TSPAN13: variants seen among roughly 807,000 people sequenced by gnomAD.
The protein encoded by TSPAN13 is tetraspanin-13.
TSPAN13 carries 18 observed loss-of-function variants against 26.9 expected under a neutral mutation model. The ratio of observed to expected loss-of-function variants is 0.67; its 90% CI spans 0.46 to 0.99. The LOEUF (loss-of-function observed/expected upper bound fraction) is 0.99. Among genes scored for constraint, TSPAN13 ranks in the 50% least tolerant of loss-of-function variants. TSPAN13 has a pLI of 0.00. For synonymous variants in TSPAN13, 116 were observed against 98.4 expected (o/e 1.18, Z -1.06); for missense variants, 201 against 249.6 (o/e 0.81, Z 1.31).
intron 5 of TSPAN13, among the ~76,000 whole-genome samples, chr7:16,780,629 A>T (rs940357274): frequency 6.6e-6 from 1 of 151,900 alleles, no homozygotes; most frequent in Non-Finnish European, 1.5e-5. Context: ...GAAAAACTGG[A>T]GTAATTTCTC....
chr7:16,783,318 C>A, intron 5 of TSPAN13, 99 bp from the exon 6 acceptor site: 2 of 1,157,954 alleles, frequency 1.7e-6, no homozygotes, highest in Non-Finnish European at 2.5e-6. Context: ...AGATGCAAAG[C>A]GATTGAGAGG....
At chr7:16,776,760 G>A (rs1784754322) in intron 2 of TSPAN13, among the ~76,000 whole-genome samples, 1 of 151,988 alleles carries the variant, frequency 6.6e-6, no homozygotes, top group Non-Finnish European at 1.5e-5. Context: ...CTATACCTAT[G>A]TCTGTTTTGT....
intron 1 of TSPAN13, among the ~76,000 whole-genome samples, chr7:16,764,396 T>G (rs908639923): frequency 6.6e-6 from 1 of 152,168 alleles, no homozygotes; most frequent in Admixed American, 6.5e-5. Flanking sequence ...GTGCTTAATG[T>G]TAAAACAATT....
At chr7:16,766,071 A>G (rs182485770) in intron 1 of TSPAN13, among the ~76,000 whole-genome samples, 302 of 152,330 alleles carry the variant, frequency 2.0e-3, no homozygotes, top group Admixed American at 3.6e-3. Flanking sequence ...AAAGTTAAGG[A>G]TACACTGATA....
At chr7:16,756,761 T>C (rs13234497) in intron 1 of TSPAN13, among the ~76,000 whole-genome samples, 8 of 152,200 alleles carry the variant, frequency 5.3e-5, no homozygotes, top group Non-Finnish European at 8.8e-5. Flanking sequence ...TGAATTCACC[T>C]TCACAGTATT....
intron 5 of TSPAN13, among the ~76,000 whole-genome samples, chr7:16,781,786 G>A (rs938780521): frequency 2.0e-5 from 3 of 152,156 alleles, no homozygotes; most frequent in African/African-American, 7.2e-5. Context: ...TTTCCAAGGT[G>A]GGGAGCTTTG....
At chr7:16,772,610 C>A (rs10273406) in intron 1 of TSPAN13, among the ~76,000 whole-genome samples, 1,625 of 152,250 alleles carry the variant, frequency 0.011, 31 homozygotes, top group African/African-American at 0.037. Context: ...TTAAGGATAC[C>A]TGTTATGACA....
chr7:16,754,405 G>T (rs1469953285), intron 1 of TSPAN13, among the ~76,000 whole-genome samples: 1 of 152,212 alleles, frequency 6.6e-6, no homozygotes, highest in East Asian at 1.9e-4. Context: ...TGGGCCAGGC[G>T]TGGAGGCGCG....
chr7:16,755,708 T>C (rs948437291), intron 1 of TSPAN13, among the ~76,000 whole-genome samples: 3 of 152,128 alleles, frequency 2.0e-5, no homozygotes, highest in Admixed American at 6.6e-5. Flanking sequence ...CTACTTTGCA[T>C]ACTTACTTCA....
Position 16,758,082 on chromosome 7 carries a change from G to A in TSPAN13, c.63+4052G>A, listed in dbSNP as rs563654309. Among the ~76,000 whole-genome samples, 153 of 152,060 alleles carry A rather than the reference G, an allele frequency of 1.0e-3. 1 individual carries two copies. Among genetic ancestry groups the A allele is most frequent in the African/African-American group, 3.5e-3 (147 of 41,488 alleles). On this transcript the variant is annotated intron_variant, in intron 1 of 5. Coordinates refer to ENST00000262067, the MANE Select transcript of TSPAN13 (RefSeq NM_014399.4). ...ACTCCTGACCTCAGGCGATCCACCCGCCTCGGTCTCCCAAAGTGCTGGGAT... is the reference window on the plus strand; with the variant it reads ...ACTCCTGACCTCAGGCGATCCACCCACCTCGGTCTCCCAAAGTGCTGGGAT...
intron 1 of TSPAN13, among the ~76,000 whole-genome samples, chr7:16,765,635 G>T (rs934146764): frequency 6.6e-6 from 1 of 152,074 alleles, no homozygotes; most frequent in African/African-American, 2.4e-5. Flanking sequence ...CTTTTTATAT[G>T]ATTCACCTTT....
rs142071828 is a variant in TSPAN13 at position 16,776,967 on chromosome 7, T to G, written c.232-75T>G. 5.4e-4 allele frequency: 521 copies of G among 959,714 alleles called. No individual in the cohort carries two copies. In the African/African-American group the frequency reaches 6.4e-3, roughly 12 times the overall value. 59.4% of individuals were successfully genotyped at this position (959,714 alleles called of 1,614,324 possible). A position where few individuals can be genotyped will look rare whatever the true frequency, so the allele number is the denominator to read the frequency against. On this transcript the variant is annotated intron_variant, in intron 2 of 5. Transcript: ENST00000262067. ...TAATTACTTCTTGTGCATTCTAAAG[T>G]TGTCAGTACCTCTGTACCTCTGTTT...
intron 1 of TSPAN13, among the ~76,000 whole-genome samples, chr7:16,765,084 C>T (rs939035110): frequency 6.6e-6 from 1 of 151,844 alleles, no homozygotes; most frequent in African/African-American, 2.4e-5. Context: ...TGTGTTTGTG[C>T]TGTGAGCCCT....
intron 5 of TSPAN13, among the ~76,000 whole-genome samples, chr7:16,781,596 T>C (rs1583797195): frequency 6.6e-6 from 1 of 152,216 alleles, no homozygotes; most frequent in Non-Finnish European, 1.5e-5. Context: ...TTGGCGCTTA[T>C]AGCCAAGTTG....
rs767037654 is a variant in TSPAN13 at position 16,777,136 on chromosome 7, T to C, written c.312+14T>C. The C allele has an allele frequency of 8.8e-6, 14 of 1,593,898 alleles. No individual in the cohort carries two copies. The highest frequency in any genetic ancestry group is 1.7e-5 in the Admixed American group (1 of 59,832). On this transcript the variant is annotated intron_variant, in intron 3 of 5. Coordinates refer to ENST00000262067, the MANE Select transcript of TSPAN13 (RefSeq NM_014399.4). ...CAGGAGCAACAGGTAAGCTAAGACT[T>C]TTTTCTTCTACTTTATTATACCACA... is the stretch of plus-strand genomic sequence containing the variant.
intron 1 of TSPAN13, among the ~76,000 whole-genome samples, chr7:16,772,068 A>G (rs1392570612): frequency 2.0e-5 from 3 of 152,202 alleles, no homozygotes; most frequent in Non-Finnish European, 4.4e-5. Flanking sequence ...TCTTTTCTTT[A>G]CATTTACATT....
At chr7:16,762,583 C>G (rs1784555726) in intron 1 of TSPAN13, among the ~76,000 whole-genome samples, 1 of 152,130 alleles carries the variant, frequency 6.6e-6, no homozygotes, top group Admixed American at 6.6e-5. Flanking sequence ...ACCAAGACCA[C>G]AATGTTAGGA....
In TSPAN13 at chr7:16,754,580, C is replaced by A. The variant is rs566528913; in HGVS notation, c.63+550C>A. Among the ~76,000 whole-genome samples, 32 of 152,330 alleles carry A rather than the reference C, an allele frequency of 2.1e-4. No individual in the cohort carries two copies. In the South Asian group the frequency reaches 2.5e-3, roughly 12 times the overall value. ...TGTCCGCTGCTTCCGAAGTTTGTTT[C>A]GTGCTCACAGTAAAGGGATGTCTTT... is the stretch of plus-strand genomic sequence containing the variant. On this transcript the variant is annotated intron_variant, in intron 1 of 5. Coordinates refer to ENST00000262067, the MANE Select transcript of TSPAN13 (RefSeq NM_014399.4).
chr7:16,771,573 T>C lies in TSPAN13; in HGVS notation c.64-4638T>C, dbSNP rs371451150. On this transcript the variant is annotated intron_variant, in intron 1 of 5. Transcript: ENST00000262067. Reference sequence around the variant, plus strand: ...GCATATTTGAGGGGTTTGAACATGATATGCTCCTGGCTTTGAAGACAGAGG... The same window carrying C: ...GCATATTTGAGGGGTTTGAACATGACATGCTCCTGGCTTTGAAGACAGAGG... Among the ~76,000 whole-genome samples, 3 of 152,166 alleles carry C rather than the reference T, an allele frequency of 2.0e-5. No individual in the cohort carries two copies. In the East Asian group the frequency reaches 5.8e-4, roughly 29 times the overall value.
Sources: gnomAD v4.1 joint callset for allele counts (sites outside exome capture counted in the v4.1 genomes callset) on GRCh38, gnomAD v4.1.1 for gene constraint, MANE v1.5 for transcripts, NCBI Gene and HGNC (gene_info 2026-07-23, HGNC 2026-07-21) for gene names.